The following ANKRD28 variants were observed in gnomAD, a reference collection of about 807,000 sequenced individuals.
ANKRD28 encodes the protein serine/threonine-protein phosphatase 6 regulatory ankyrin repeat subunit A.
A neutral mutation model predicts 126.5 loss-of-function variants in ANKRD28; 44 were observed. The observed-to-expected ratio is 0.35, with a 90% CI of 0.27 to 0.45. The LOEUF is 0.45. Ranked by LOEUF, ANKRD28 falls within the 20% of genes least tolerant of loss-of-function variation. ANKRD28 has a pLI of 1.00. For synonymous variants in ANKRD28, 442 were observed against 468.5 expected (o/e 0.94, Z 0.73); for missense variants, 1,110 against 1,316.6 (o/e 0.84, Z 2.43).
At chr3:15,687,929 A>G (rs917205631) in intron 18 of ANKRD28, among the ~76,000 whole-genome samples, 2 of 152,218 alleles carry the variant, frequency 1.3e-5, no homozygotes, top group African/African-American at 4.8e-5. Flanking sequence ...ATGACTGGTA[A>G]ACCTCCAGGA....
At chr3:15,849,981 C>G (rs1212195850) in intron 1 of ANKRD28, among the ~76,000 whole-genome samples, 1 of 151,640 alleles carries the variant, frequency 6.6e-6, no homozygotes, top group Admixed American at 6.6e-5. Flanking sequence ...ATCTCTGACT[C>G]TGTACACTAC....
intron 27 of ANKRD28, among the ~76,000 whole-genome samples, chr3:15,672,424 AAGCC>A (rs2066472379): frequency 6.6e-6 from 1 of 152,018 alleles, no homozygotes; most frequent in South Asian, 2.1e-4. Context: ...TTATAGGAGT[AAGCC>A]ACTGTGCCCA....
intron 5 of ANKRD28, among the ~76,000 whole-genome samples, chr3:15,736,713 C>T (rs575079517): frequency 6.6e-6 from 1 of 152,290 alleles, no homozygotes; most frequent in South Asian, 2.1e-4. Flanking sequence ...TTCTGCCTTC[C>T]TTTGCTATTT....
At chr3:15,813,414 A>C (rs2060766215) in intron 1 of ANKRD28, among the ~76,000 whole-genome samples, 1 of 152,126 alleles carries the variant, frequency 6.6e-6, no homozygotes, top group South Asian at 2.1e-4. Flanking sequence ...GAAACCAAAA[A>C]CAAATTATTA....
At chr3:15,851,895 GGATA>G (rs1232798959) in intron 1 of ANKRD28, among the ~76,000 whole-genome samples, 2 of 152,094 alleles carry the variant, frequency 1.3e-5, no homozygotes, top group East Asian at 1.9e-4. Flanking sequence ...ACTGATGAAT[GGATA>G]AAGAAAATAT....
chr3:15,753,514 C>T (rs149810139), intron 3 of ANKRD28, among the ~76,000 whole-genome samples: 311 of 152,282 alleles, frequency 2.0e-3, no homozygotes, highest in African/African-American at 6.9e-3. Flanking sequence ...CACAGTAGAA[C>T]GGAAAGCTCT....
intron 18 of ANKRD28, chr3:15,686,565 A>G (rs1281592233): frequency 6.3e-6 from 3 of 475,696 alleles, no homozygotes; most frequent in African/African-American, 2.0e-5. Context: ...TCTGCCTCTA[A>G]AAGAATGCTC....
rs562690143 is a variant in ANKRD28, at chr3:15,855,931, T to C, written c.27+3446A>G. Among the ~76,000 whole-genome samples, 30 of 152,368 alleles carry C rather than the reference T, an allele frequency of 2.0e-4. 1 individual carries two copies. In the East Asian group the frequency reaches 5.0e-3, roughly 25 times the overall value. ...TTAAGAGGGTGAACTTTATGGTATG[T>C]GGGCTTTATCGCAATTTTTAAAAAG... On this transcript the variant is annotated intron_variant, in intron 1 of 27. Transcript: ENST00000399451.
At chr3:15,742,784 C>T (rs575741619) in intron 4 of ANKRD28, among the ~76,000 whole-genome samples, 229 of 143,092 alleles carry the variant, frequency 1.6e-3, no homozygotes, top group African/African-American at 5.1e-3. Context: ...GCCAGCCACC[C>T]GGTCCGGGAG....
Position 15,850,224 on chromosome 3 carries a change from T to TAGAGAGAGAGAG in ANKRD28, c.27+9141_27+9152dup, listed in dbSNP as rs375278547. On this transcript the variant is annotated intron_variant, in intron 1 of 27. Coordinates refer to the ANKRD28 transcript ENST00000399451. The stretch of plus-strand genomic sequence containing the variant: ...AAAAAAATATATATATATATATATA[T>TAGAGAGAGAGAG]AGAGAGAGAGAGAGAGAGAGAGAGA... Among the ~76,000 whole-genome samples the TAGAGAGAGAGAG allele has an allele frequency of 9.8e-3, 343 of 35,074 alleles. 7 individuals carry two copies. Among genetic ancestry groups the TAGAGAGAGAGAG allele is most frequent in the Non-Finnish European group, 0.014 (231 of 16,740 alleles). The allele number at this position is 35,074 out of a possible 152,430, so 23.0% of individuals were successfully genotyped here.
At chr3:15,855,324 A>G (rs921363498) in intron 1 of ANKRD28, among the ~76,000 whole-genome samples, 2 of 152,216 alleles carry the variant, frequency 1.3e-5, no homozygotes, top group African/African-American at 4.8e-5. Flanking sequence ...GATATATGCC[A>G]ACCCTGTTTA....
In ANKRD28 at chr3:15,816,195, C is replaced by A. The variant is rs1328332254; in HGVS notation, c.28-20889G>T. ...ATTGCAATGATTTTCATTGTATTAA[C>A]TAAAATTTACATATCTTATAGAAAA... is the stretch of plus-strand genomic sequence containing the variant. On this transcript the variant is annotated intron_variant, in intron 1 of 27. Coordinates refer to the ANKRD28 transcript ENST00000399451. The surrounding 1 kb of genome is among the most constrained non-coding windows in gnomAD (Gnocchi z 5.0). Among the ~76,000 whole-genome samples the A allele has an allele frequency of 6.6e-6, 1 of 152,188 alleles. No homozygotes were observed. The highest frequency in any genetic ancestry group is 1.5e-5 in the Non-Finnish European group (1 of 68,034).
At chr3:15,750,627 T>C (rs1372121824) in intron 4 of ANKRD28, among the ~76,000 whole-genome samples, 1 of 152,204 alleles carries the variant, frequency 6.6e-6, no homozygotes, top group Non-Finnish European at 1.5e-5. Context: ...TTTGTAATCC[T>C]TCTCAGTCAC....
chr3:15,814,207 A>G lies in ANKRD28; in HGVS notation c.28-18901T>C. The G allele has an allele frequency of 8.7e-7, 1 of 1,155,892 alleles. No homozygotes were observed. The highest frequency in any genetic ancestry group is 1.1e-6 in the Non-Finnish European group (1 of 909,248). The allele number at this position is 1,155,892 out of a possible 1,614,324, so 71.6% of individuals were successfully genotyped here. A position where few individuals can be genotyped will look rare whatever the true frequency, so the allele number is the denominator to read the frequency against. ...CTAACAAATTACAAGAGCTGCCTAT[A>G]TTACTGCAAGAGACTACTAGAAAAT... is the stretch of plus-strand genomic sequence containing the variant. On this transcript the variant is annotated intron_variant, in intron 1 of 27. Transcript: ENST00000399451. This position sits in a 1 kb window ranked among gnomAD's most constrained non-coding sequence, Gnocchi z 4.7.
chr3:15,676,036 C>T lies in ANKRD28; in HGVS notation c.2874-47G>A, dbSNP rs780653218. On this transcript the variant is annotated intron_variant, in intron 26 of 27. Transcript: ENST00000683139. ...ATGTACACATATGTGCATGTGCATG[C>T]ACATACACATACACACCTGGCTGTC... The T allele has an allele frequency of 6.9e-6, 10 of 1,439,042 alleles. No individual in the cohort carries two copies. The African/African-American group carries it at 1.4e-4, about 20-fold the overall frequency. The allele number at this position is 1,439,042 out of a possible 1,614,324, so 89.1% of individuals were successfully genotyped here. A position where few individuals can be genotyped will look rare whatever the true frequency, so the allele number is the denominator to read the frequency against.
intron 2 of ANKRD28, among the ~76,000 whole-genome samples, chr3:15,786,152 G>A (rs1003369787): frequency 6.6e-6 from 1 of 152,026 alleles, no homozygotes; most frequent in African/African-American, 2.4e-5. Flanking sequence ...AATACCAGGA[G>A]TGAACCCTAA....
chr3:15,859,344 C>T (rs1439071603), intron 1 of ANKRD28: 2 of 1,521,904 alleles, frequency 1.3e-6, no homozygotes, highest in Non-Finnish European at 8.8e-7. Flanking sequence ...CCTTCCCGGA[C>T]GGCGCGATCC....
chr3:15,841,935 T>C (rs572142102), intron 1 of ANKRD28, among the ~76,000 whole-genome samples: 10 of 152,008 alleles, frequency 6.6e-5, no homozygotes, highest in African/African-American at 1.4e-4. Context: ...CTGCTTGGTA[T>C]AACCCAAAGA....
chr3:15,698,602 A>T (rs2070046433), intron 14 of ANKRD28, among the ~76,000 whole-genome samples: 1 of 152,186 alleles, frequency 6.6e-6, no homozygotes, highest in Non-Finnish European at 1.5e-5. Context: ...AATAACAGAC[A>T]AACAGAGAGC....
Sources: allele counts gnomAD v4.1 joint callset (sites outside exome capture counted in the v4.1 genomes callset), GRCh38; gene constraint gnomAD v4.1.1; non-coding constraint Gnocchi (gnomAD v3.1); transcripts MANE v1.5; gene names NCBI Gene and HGNC (gene_info 2026-07-23, HGNC 2026-07-21).